CTNNA1: variants seen among roughly 807,000 people sequenced by gnomAD.
The protein encoded by CTNNA1 is catenin alpha-1.
A neutral mutation model predicts 98.4 loss-of-function variants in CTNNA1; 37 were observed. The observed-to-expected ratio is 0.38, with a 90% CI of 0.29 to 0.49. The LOEUF (loss-of-function observed/expected upper bound fraction) is 0.49, where lower values mean the gene tolerates loss of function less well. CTNNA1 is among the 20% of genes least tolerant of loss of function. The probability of loss-of-function intolerance (pLI) is 0.95; values close to 1 mark genes in which losing one functional copy is unlikely to be tolerated. For synonymous variants in CTNNA1, 404 were observed against 413.2 expected (o/e 0.98, Z 0.27); for missense variants, 761 against 1,147.2 (o/e 0.66, Z 4.86).
intron 12 of CTNNA1, 55 bp from the exon 13 acceptor site, chr5:138,925,201 A>G (rs964054775): frequency 1.9e-6 from 3 of 1,585,608 alleles, no homozygotes. Flanking sequence ...AGGGAGGGCC[A>G]GGGGAATGAT....
chr5:138,845,347 A>G (rs1435693053), intron 7 of CTNNA1, among the ~76,000 whole-genome samples: 1 of 152,188 alleles, frequency 6.6e-6, no homozygotes. Context: ...CGGTGAATCA[A>G]CAGTTTTAGG....
chr5:138,808,243 C>A (rs1758307386), intron 3 of CTNNA1, among the ~76,000 whole-genome samples: 1 of 152,092 alleles, frequency 6.6e-6, no homozygotes, highest in African/African-American at 2.4e-5. Context: ...GTGTCTTAAC[C>A]AGTTGTTAAT....
intron 1 of CTNNA1, among the ~76,000 whole-genome samples, chr5:138,778,286 G>A (rs999157807): frequency 1.1e-4 from 17 of 152,068 alleles, no homozygotes; most frequent in African/African-American, 3.6e-4. Flanking sequence ...GAGCCTCCGC[G>A]CCCGGCTGCT....
At chr5:138,788,704 A>G (rs1755993121) in intron 3 of CTNNA1, among the ~76,000 whole-genome samples, 1 of 152,252 alleles carries the variant, frequency 6.6e-6, no homozygotes, top group South Asian at 2.1e-4. Flanking sequence ...CTTAAGCCGG[A>G]TAGGGGACTT....
chr5:138,824,487 A>G (rs889442707), intron 5 of CTNNA1, 43 bp from the exon 6 acceptor site: 13 of 1,601,622 alleles, frequency 8.1e-6, no homozygotes, highest in Middle Eastern at 3.3e-4. Flanking sequence ...AGTAAAGCCC[A>G]TATAAAGAGT....
intron 1 of CTNNA1, chr5:138,762,048 G>C (rs149426171): frequency 7.9e-5 from 12 of 152,186 alleles, no homozygotes; most frequent in African/African-American, 2.9e-4. Flanking sequence ...GACCCACTGC[G>C]CCTGGCCCAC....
rs1210878397 is a variant in CTNNA1, at chr5:138,873,054, G to A, written c.1063-13158G>A. On this transcript the variant is annotated intron_variant, in intron 7 of 17. Transcript: ENST00000302763. This position sits in a 1 kb window ranked among gnomAD's most constrained non-coding sequence, Gnocchi z 6.1. ...TATGGCAGCTGCTGACACTTGCACTGTCCATAACCATTAATGATGATGAAG... is the reference window on the plus strand; with the variant it reads ...TATGGCAGCTGCTGACACTTGCACTATCCATAACCATTAATGATGATGAAG... The A allele has an allele frequency of 6.2e-7, 1 of 1,613,612 alleles. No individual in the cohort carries two copies. Among genetic ancestry groups the A allele is most frequent in the East Asian group, 2.2e-5 (1 of 44,888 alleles).
chr5:138,873,707 T>C lies in CTNNA1; in HGVS notation c.1063-12505T>C, dbSNP rs766947675. The C allele has an allele frequency of 1.2e-6, 2 of 1,614,044 alleles. No individual in the cohort carries two copies. The highest frequency in any genetic ancestry group is 1.7e-5 in the Admixed American group (1 of 60,024). On this transcript the variant is annotated intron_variant, in intron 7 of 17. Transcript: ENST00000302763. The surrounding 1 kb of genome is among the most constrained non-coding windows in gnomAD (Gnocchi z 6.1). ...ATCAAGGCTGTTTAACTTGTTGTTA[T>C]CCATGAGGAGTATTTTAAGATTGGG...
At position 138,874,215 on chromosome 5, in the gene CTNNA1, A is replaced by G. The variant is rs375960720; in HGVS notation, c.1063-11997A>G. 23 of 1,613,924 alleles carry G rather than the reference A, an allele frequency of 1.4e-5. No individual in the cohort carries two copies. Among genetic ancestry groups the G allele is most frequent in the Non-Finnish European group, 1.9e-5 (22 of 1,179,886 alleles). On this transcript the variant is annotated intron_variant, in intron 7 of 17. Coordinates refer to ENST00000302763, the MANE Select transcript of CTNNA1 (RefSeq NM_001903.5). This position sits in a 1 kb window ranked among gnomAD's most constrained non-coding sequence, Gnocchi z 4.1. The stretch of plus-strand genomic sequence containing the variant: ...AAGTAAAATATTTTGTTGGAACTTA[A>G]GATTAATTCCTTAAGTTTATATAGT...
At chr5:138,789,886 G>A (rs1231800582) in intron 3 of CTNNA1, among the ~76,000 whole-genome samples, 1 of 152,190 alleles carries the variant, frequency 6.6e-6, no homozygotes, top group Non-Finnish European at 1.5e-5. Flanking sequence ...ACCTCAAGGG[G>A]GAGCTCTTTC....
intron 10 of CTNNA1, among the ~76,000 whole-genome samples, chr5:138,916,432 T>G (rs1275484697): frequency 2.0e-5 from 3 of 151,740 alleles, no homozygotes; most frequent in Non-Finnish European, 2.9e-5. Context: ...TCGTCCTGTT[T>G]GTCCAGGCTG....
At chr5:138,905,111 A>AATACATAC (rs58678514) in intron 10 of CTNNA1, among the ~76,000 whole-genome samples, 4 of 139,326 alleles carry the variant, frequency 2.9e-5, no homozygotes, top group African/African-American at 8.7e-5. Flanking sequence ...AAAAAAAAAA[A>AATACATAC]ATACATACAT....
chr5:138,908,833 A>T (rs1444522681), intron 10 of CTNNA1, among the ~76,000 whole-genome samples: 1 of 150,342 alleles, frequency 6.7e-6, no homozygotes, highest in Non-Finnish European at 1.5e-5. Flanking sequence ...ACTTTCTCTC[A>T]CTCTTTTCTC....
chr5:138,830,967 T>G (rs1397639228), intron 7 of CTNNA1, among the ~76,000 whole-genome samples: 3 of 152,216 alleles, frequency 2.0e-5, no homozygotes, highest in African/African-American at 7.2e-5. Flanking sequence ...AAAAAAATGG[T>G]TCATTTTATT....
chr5:138,916,086 A>G (rs540221994), intron 10 of CTNNA1, among the ~76,000 whole-genome samples: 2 of 151,998 alleles, frequency 1.3e-5, no homozygotes, highest in South Asian at 2.1e-4. Context: ...GAAAAAAGCA[A>G]GTTACAAAAG....
At chr5:138,865,939 G>A (rs984003243) in intron 7 of CTNNA1, among the ~76,000 whole-genome samples, 2 of 152,186 alleles carry the variant, frequency 1.3e-5, no homozygotes, top group Non-Finnish European at 2.9e-5. Flanking sequence ...TGACAGCGAG[G>A]CAATGGGAAA....
At chr5:138,869,489 C>T (rs2149913031) in intron 7 of CTNNA1, 1 of 151,824 alleles carries the variant, frequency 6.6e-6, no homozygotes, top group South Asian at 2.1e-4. Flanking sequence ...GGAAAACGAT[C>T]ATGTAAGTCA....
At chr5:138,860,035 TTG>T (rs942782957) in intron 7 of CTNNA1, among the ~76,000 whole-genome samples, 2 of 151,928 alleles carry the variant, frequency 1.3e-5, no homozygotes, top group Admixed American at 6.6e-5. Context: ...TGTTTAAAGA[TTG>T]TGTGTGTGTG....
chr5:138,803,640 T>C (rs1170182604), intron 3 of CTNNA1, among the ~76,000 whole-genome samples: 1 of 152,234 alleles, frequency 6.6e-6, no homozygotes, highest in African/African-American at 2.4e-5. Context: ...CCTGGAATGC[T>C]CTTCCTCCAG....
Sources: allele counts gnomAD v4.1 joint callset (sites outside exome capture counted in the v4.1 genomes callset), GRCh38; gene constraint gnomAD v4.1.1; non-coding constraint Gnocchi (gnomAD v3.1); transcripts MANE v1.5; gene names NCBI Gene and HGNC (gene_info 2026-07-23, HGNC 2026-07-21).